Variants in ASCC3 observed in about 807,000 individuals in gnomAD.
ASCC3 encodes ASC-1 complex subunit P200.
In ASCC3, 158 loss-of-function variants were observed where a neutral mutation model predicts 256.3. The ratio of observed to expected loss-of-function variants is 0.62; its 90% CI spans 0.54 to 0.70. ASCC3 has a LOEUF of 0.70. Among genes scored for constraint, ASCC3 ranks in the 30% least tolerant of loss-of-function variants. The pLI, the probability that ASCC3 is intolerant of heterozygous loss-of-function variation, is 0.00. For synonymous variants in ASCC3, 948 were observed against 883.4 expected (o/e 1.07, Z -1.30); for missense variants, 2,259 against 2,626.0 (o/e 0.86, Z 3.05).
Position 100,610,459 on chromosome 6 carries a change from C to G in ASCC3, c.4786-3371G>C, listed in dbSNP as rs1159775594. Among the ~76,000 whole-genome samples the G allele has an allele frequency of 2.0e-5, 3 of 151,740 alleles. No homozygotes were observed. The East Asian group carries it at 5.8e-4, about 29-fold the overall frequency. On this transcript the variant is annotated intron_variant, in intron 30 of 41. Transcript: ENST00000369162. ...TCTAAGTTTTTTTTTAATGTGGAAG[C>G]AAGCTGTTTTATACTTATAATAATC...
rs1046785964 is a variant in ASCC3, at chr6:100,856,390, C to T, written c.241+7674G>A. On this transcript the variant is annotated intron_variant, in intron 3 of 41. Coordinates refer to ENST00000369162, the MANE Select transcript of ASCC3 (RefSeq NM_006828.4). ...ACATAGGAGTTCTCACCATGATAGC[C>T]AAACCTTAAGCTAAATAAATACACA... 8 of 983,922 alleles carry T rather than the reference C, an allele frequency of 8.1e-6. No individual in the cohort carries two copies. The African/African-American group carries it at 1.2e-4, about 15-fold the overall frequency. 60.9% of individuals were successfully genotyped at this position (983,922 alleles called of 1,614,324 possible).
chr6:100,608,509 ATATATATACTTTATATATATATACTT>A (rs1773149963), intron 30 of ASCC3, among the ~76,000 whole-genome samples: 1 of 7,024 alleles, frequency 1.4e-4, no homozygotes, highest in Non-Finnish European at 2.7e-4. Flanking sequence ...TATATACTTT[ATATATATACTTTATATATATATACTT>A]TATATATATA....
chr6:100,743,540 C>A (rs1780530686), intron 10 of ASCC3, among the ~76,000 whole-genome samples: 1 of 152,146 alleles, frequency 6.6e-6, no homozygotes, highest in African/African-American at 2.4e-5. Context: ...CATAAGGCAA[C>A]AACTGAGGTC....
At chr6:100,626,620 C>T (rs1213029227) in intron 29 of ASCC3, among the ~76,000 whole-genome samples, 1 of 151,954 alleles carries the variant, frequency 6.6e-6, no homozygotes, top group African/African-American at 2.4e-5. Context: ...GCAATTTCAA[C>T]AATATATATT....
intron 36 of ASCC3, among the ~76,000 whole-genome samples, chr6:100,566,081 C>T (rs773645968): frequency 7.9e-5 from 12 of 152,054 alleles, no homozygotes; most frequent in Non-Finnish European, 1.3e-4. Flanking sequence ...AAAAGCCAAA[C>T]GTAAATAATA....
intron 36 of ASCC3, among the ~76,000 whole-genome samples, chr6:100,551,711 A>G (rs1769311478): frequency 6.6e-6 from 1 of 152,040 alleles, no homozygotes; most frequent in Non-Finnish European, 1.5e-5. Context: ...AGGAGCTGAC[A>G]TTTGGTTTAT....
rs369548376 is a variant in ASCC3, at chr6:100,517,971, T to C, written c.5927+20A>G. 1.9e-6 allele frequency: 3 copies of C among 1,611,066 alleles called. No homozygotes were observed. The highest frequency in any genetic ancestry group is 2.2e-5 in the East Asian group (1 of 44,840). ...TTGAAATCAAAACAAAACAATTACA[T>C]TGAAAAGTAAAACAATTACTTGAAA... On this transcript the variant is annotated intron_variant, in intron 38 of 41. Transcript: ENST00000369162.
chr6:100,773,144 C>G (rs1782022139), intron 8 of ASCC3, among the ~76,000 whole-genome samples: 1 of 152,028 alleles, frequency 6.6e-6, no homozygotes, highest in Admixed American at 6.6e-5. Context: ...AGTCATATAA[C>G]TTCAAAAGCT....
intron 4 of ASCC3, among the ~76,000 whole-genome samples, chr6:100,845,293 C>T (rs1201593718): frequency 1.3e-5 from 2 of 152,020 alleles, no homozygotes; most frequent in East Asian, 3.9e-4. Flanking sequence ...ATCTATGGGA[C>T]GGACAAAGCA....
intron 8 of ASCC3, among the ~76,000 whole-genome samples, chr6:100,781,678 G>A (rs1045118400): frequency 1.1e-4 from 17 of 151,570 alleles, no homozygotes; most frequent in East Asian, 9.7e-4. Context: ...GTGAGCCACC[G>A]CGCCCGGCCA....
At chr6:100,510,674 C>G (rs1301071137) in intron 40 of ASCC3, among the ~76,000 whole-genome samples, 1 of 152,108 alleles carries the variant, frequency 6.6e-6, no homozygotes, top group Non-Finnish European at 1.5e-5. Context: ...TAAAAAGTCC[C>G]TTCTCTGAGG....
chr6:100,849,937 T>G (rs1162342222), intron 3 of ASCC3, among the ~76,000 whole-genome samples: 2 of 151,594 alleles, frequency 1.3e-5, no homozygotes, highest in Non-Finnish European at 2.9e-5. Context: ...CCGTCTTTAC[T>G]AAAAATACAA....
intron 8 of ASCC3, among the ~76,000 whole-genome samples, chr6:100,796,919 T>C (rs1769644822): frequency 6.6e-6 from 1 of 152,140 alleles, no homozygotes; most frequent in African/African-American, 2.4e-5. Flanking sequence ...AGAATAATGA[T>C]GCCCCCCAAA....
chr6:100,517,423 C>G (rs1028385350), intron 38 of ASCC3, among the ~76,000 whole-genome samples: 1 of 152,074 alleles, frequency 6.6e-6, no homozygotes, highest in African/African-American at 2.4e-5. Context: ...TTAAACATTG[C>G]CAACCCTGCT....
In ASCC3 at chr6:100,670,377, C is replaced by T. The variant is rs139523164; in HGVS notation, c.2287-7841G>A. On this transcript the variant is annotated intron_variant, in intron 14 of 41. Transcript: ENST00000369162. ...CACCACAAACCATGGATGCTTAAGT[C>T]CCTTATATAAAATGGTGTGATATTT... 3.5e-3 allele frequency among the ~76,000 whole-genome samples: 529 copies of T among 151,930 alleles called. 7 individuals carry two copies. Among genetic ancestry groups the T allele is most frequent in the South Asian group, 0.024 (117 of 4,814 alleles).
At chr6:100,743,098 T>C (rs752810465) in intron 10 of ASCC3, among the ~76,000 whole-genome samples, 1 of 152,222 alleles carries the variant, frequency 6.6e-6, no homozygotes, top group Non-Finnish European at 1.5e-5. Flanking sequence ...TGAGATCTCC[T>C]GGTCCACAGG....
At chr6:100,834,513 CAT>C (rs1306203852) in intron 4 of ASCC3, among the ~76,000 whole-genome samples, 7 of 152,022 alleles carry the variant, frequency 4.6e-5, no homozygotes, top group African/African-American at 1.7e-4. Flanking sequence ...AATCCCAAAA[CAT>C]ATGTGGGAAA....
chr6:100,532,130 C>T (rs1017412619), intron 37 of ASCC3, among the ~76,000 whole-genome samples: 3 of 151,324 alleles, frequency 2.0e-5, no homozygotes, highest in African/African-American at 7.3e-5. Flanking sequence ...CTCTTTCAGA[C>T]AAACAGTCCA....
chr6:100,662,340 C>T lies in ASCC3; in HGVS notation c.2478+5G>A. 6.2e-7 allele frequency: 1 copy of T among 1,612,282 alleles called. No individual in the cohort carries two copies. The highest frequency in any genetic ancestry group is 8.5e-7 in the Non-Finnish European group (1 of 1,178,930). Reference sequence around the variant, plus strand: ...ATCCATTTATCAAGGAAGGTAAGCTCTTACCTTAATAATAACAGCATGGGC... The same window carrying T: ...ATCCATTTATCAAGGAAGGTAAGCTTTTACCTTAATAATAACAGCATGGGC... On this transcript the variant is annotated splice_donor_5th_base_variant and intron_variant, in intron 15 of 41. Coordinates refer to ENST00000369162, the MANE Select transcript of ASCC3 (RefSeq NM_006828.4).
Sources: gnomAD v4.1 joint callset for allele counts (sites outside exome capture counted in the v4.1 genomes callset) on GRCh38, gnomAD v4.1.1 for gene constraint, MANE v1.5 for transcripts, NCBI Gene and HGNC (gene_info 2026-07-23, HGNC 2026-07-21) for gene names.